DMD: variants seen among roughly 807,000 people sequenced by gnomAD.
DMD encodes mutant dystrophin.
Under a neutral mutation model 330.1 loss-of-function variants are expected in DMD, and 63 were observed. That is an observed-to-expected ratio of 0.19 (90% confidence interval 0.16 to 0.24). DMD has a LOEUF of 0.24. Ranked by LOEUF, DMD falls within the 10% of genes least tolerant of loss-of-function variation. The probability of loss-of-function intolerance (pLI) is 1.00; values close to 1 mark genes in which losing one functional copy is unlikely to be tolerated. For synonymous variants in DMD, 1,223 were observed against 959.8 expected (o/e 1.27, Z -5.07); for missense variants, 3,344 against 2,684.1 (o/e 1.25, Z -5.43).
intron 20 of DMD, among the ~76,000 whole-genome samples, chrX:32,486,232 C>T (rs1022239824): frequency 9.0e-6 from 1 of 111,219 alleles, no homozygotes; most frequent in Non-Finnish European, 1.9e-5. Flanking sequence ...AATTTAGATG[C>T]ATGAAATTAC....
intron 29 of DMD, among the ~76,000 whole-genome samples, chrX:32,436,229 A>C (rs2405829): frequency 9.1e-6 from 1 of 110,207 alleles, no homozygotes; most frequent in African/African-American, 3.3e-5. Flanking sequence ...CTCAGGCTTA[A>C]GGTATTCTTT....
At chrX:32,705,246 T>G (rs1434057124) in intron 7 of DMD, among the ~76,000 whole-genome samples, 1 of 112,004 alleles carries the variant, frequency 8.9e-6, no homozygotes, top group Non-Finnish European at 1.9e-5. Context: ...TAATCCATTT[T>G]TAGCACTTCA....
chrX:32,514,895 G>C (rs1399678470), intron 18 of DMD, among the ~76,000 whole-genome samples: 1 of 112,139 alleles, frequency 8.9e-6, no homozygotes, highest in African/African-American at 3.3e-5. Context: ...AAATAACTAA[G>C]AATGAAAGAA....
At chrX:31,551,163 A>G (rs1286229747) in intron 55 of DMD, among the ~76,000 whole-genome samples, 2 of 93,206 alleles carry the variant, frequency 2.1e-5, no homozygotes, top group East Asian at 3.7e-4. Context: ...CAGGGTGCAG[A>G]GTGAGACTCC....
intron 44 of DMD, among the ~76,000 whole-genome samples, chrX:31,988,590 T>G (rs2095528204): frequency 9.1e-6 from 1 of 110,224 alleles, no homozygotes; most frequent in African/African-American, 3.3e-5. Context: ...CATAGCATAT[T>G]AATTTATTCA....
At chrX:31,130,706 A>G (rs1315629407) in intron 77 of DMD, among the ~76,000 whole-genome samples, 1 of 112,047 alleles carries the variant, frequency 8.9e-6, no homozygotes, top group Non-Finnish European at 1.9e-5. Context: ...GCCTAACTTA[A>G]CCTGCTGAAT....
rs899717725 is a variant in DMD, at chrX:31,968,969, T to TA, written c.6439-456dup. The stretch of plus-strand genomic sequence containing the variant: ...AACAAACATAGGTTAGTCACAGTAT[T>TA]AAAAAAAAACTCTAGAGATATTTAA... On this transcript the variant is annotated intron_variant, in intron 44 of 78. Coordinates refer to ENST00000357033, the MANE Select transcript of DMD (RefSeq NM_004006.3). 1.9e-3 allele frequency among the ~76,000 whole-genome samples: 213 copies of TA among 109,808 alleles called. 2 individuals carry two copies. The highest frequency in any genetic ancestry group is 9.9e-3 in the South Asian group (26 of 2,639).
At chrX:32,713,302 G>A (rs925905777) in intron 7 of DMD, among the ~76,000 whole-genome samples, 7 of 111,622 alleles carry the variant, frequency 6.3e-5, no homozygotes, top group Non-Finnish European at 1.9e-5. Context: ...TTCTCTAAGT[G>A]GCTGACCCTT....
At chrX:31,399,453 G>T (rs2061089491) in intron 60 of DMD, among the ~76,000 whole-genome samples, 1 of 97,354 alleles carries the variant, frequency 1.0e-5, no homozygotes, top group Admixed American at 1.1e-4. Context: ...TGGGTGGGGG[G>T]TAATGGATGG....
intron 44 of DMD, among the ~76,000 whole-genome samples, chrX:31,992,180 G>A (rs148749771): frequency 1.8e-4 from 20 of 111,672 alleles, no homozygotes; most frequent in Non-Finnish European, 3.4e-4. Flanking sequence ...TTCAGCAGGA[G>A]GAATCAAAAC....
intron 44 of DMD, among the ~76,000 whole-genome samples, chrX:32,032,457 C>G (rs951577889): frequency 9.0e-6 from 1 of 111,171 alleles, no homozygotes. Flanking sequence ...TTTTAGATTG[C>G]TCAATGATCA....
At chrX:32,087,547 G>T (rs113090883) in intron 44 of DMD, among the ~76,000 whole-genome samples, 4,197 of 111,496 alleles carry the variant, frequency 0.038, 194 homozygotes, top group African/African-American at 0.13. Context: ...CTGATACATC[G>T]TGTTGTGCGT....
intron 47 of DMD, among the ~76,000 whole-genome samples, chrX:31,902,952 C>T (rs571205710): frequency 9.0e-6 from 1 of 111,281 alleles, no homozygotes; most frequent in South Asian, 3.8e-4. Context: ...GCGGCTAATA[C>T]ATGTTGTAGG....
intron 1 of DMD, among the ~76,000 whole-genome samples, chrX:33,075,665 C>G (rs757647675): frequency 1.8e-5 from 2 of 112,310 alleles, no homozygotes; most frequent in African/African-American, 3.2e-5. Context: ...GGCATTGAAG[C>G]TTTGTCTTAC....
intron 55 of DMD, among the ~76,000 whole-genome samples, chrX:31,552,072 T>C (rs1405838852): frequency 8.9e-6 from 1 of 112,653 alleles, no homozygotes; most frequent in African/African-American, 3.2e-5. Context: ...TTGTAAATAG[T>C]ATCTGAATGT....
intron 1 of DMD, among the ~76,000 whole-genome samples, chrX:33,128,791 G>A (rs939050216): frequency 4.5e-5 from 5 of 112,149 alleles, no homozygotes; most frequent in Non-Finnish European, 9.4e-5. Context: ...AAAACGTCCA[G>A]TGCTGCTGAA....
rs186439206 is a variant in DMD, at chrX:31,382,735, C to T, written c.9085-34101G>A. On this transcript the variant is annotated intron_variant, in intron 60 of 78. Coordinates refer to ENST00000357033, the MANE Select transcript of DMD (RefSeq NM_004006.3). ...ACAACCCCACAATATCACCCCTTAC[C>T]ACAAAATCTTCCTTCAGCTTAATCC... 9.6e-3 allele frequency among the ~76,000 whole-genome samples: 1,060 copies of T among 110,863 alleles called. 9 individuals are homozygous for T. The highest frequency in any genetic ancestry group is 0.033 in the African/African-American group (1,008 of 30,388).
chrX:31,639,822 A>G (rs1266780002), intron 54 of DMD, among the ~76,000 whole-genome samples: 2 of 111,851 alleles, frequency 1.8e-5, no homozygotes, highest in Non-Finnish European at 3.8e-5. Flanking sequence ...TTATAATCGT[A>G]AAGAAGGTAT....
chrX:33,103,889 AAAT>A (rs1173400193), intron 1 of DMD, among the ~76,000 whole-genome samples: 13 of 111,965 alleles, frequency 1.2e-4, no homozygotes, highest in Admixed American at 1.1e-3. Context: ...TCCCAAATAA[AAAT>A]AATGATAAAT....
Sources: gnomAD v4.1 joint callset for allele counts (sites outside exome capture counted in the v4.1 genomes callset) on GRCh38, gnomAD v4.1.1 for gene constraint, MANE v1.5 for transcripts, NCBI Gene and HGNC (gene_info 2026-07-23, HGNC 2026-07-21) for gene names.